BAIAP2L1: variants seen among roughly 807,000 people sequenced by gnomAD.
The protein encoded by BAIAP2L1 is BAR/IMD domain-containing adapter protein 2-like 1.
A neutral mutation model predicts 66.3 loss-of-function variants in BAIAP2L1; 35 were observed. The observed-to-expected ratio is 0.53, with a 90% CI of 0.40 to 0.70. The LOEUF is 0.70. Among genes scored for constraint, BAIAP2L1 ranks in the 30% least tolerant of loss-of-function variants. BAIAP2L1 has a pLI of 0.00. For synonymous variants in BAIAP2L1, 269 were observed against 248.7 expected, an observed-to-expected ratio of 1.08 and a Z score of -0.77; for missense variants, 622 against 656.9, an observed-to-expected ratio of 0.95 and a Z score of 0.58.
chr7:98,329,591 GTT>G (rs1801448213), intron 3 of BAIAP2L1, among the ~76,000 whole-genome samples: 1 of 152,046 alleles, frequency 6.6e-6, no homozygotes. Context: ...TTCCAGTTAT[GTT>G]CTCTGTACGG....
chr7:98,362,501 A>G (rs1802294738), intron 1 of BAIAP2L1, 69 bp from the exon 2 acceptor site: 2 of 1,369,876 alleles, frequency 1.5e-6, no homozygotes, highest in South Asian at 2.5e-5. Context: ...AGATTTTGTC[A>G]CTGTGTGGCC....
At chr7:98,394,151 G>A (rs977160344) in intron 1 of BAIAP2L1, among the ~76,000 whole-genome samples, 2 of 152,174 alleles carry the variant, frequency 1.3e-5, no homozygotes, top group Non-Finnish European at 2.9e-5. Flanking sequence ...GCTGAGACAG[G>A]AGAATGGCAT....
intron 3 of BAIAP2L1, among the ~76,000 whole-genome samples, chr7:98,349,138 T>C (rs1801942658): frequency 6.6e-6 from 1 of 152,174 alleles, no homozygotes; most frequent in African/African-American, 2.4e-5. Context: ...TGGTTGCCCA[T>C]GGAGGTTATC....
chr7:98,334,243 C>T (rs369268582), intron 3 of BAIAP2L1, among the ~76,000 whole-genome samples: 3 of 152,248 alleles, frequency 2.0e-5, no homozygotes, highest in East Asian at 1.9e-4. Flanking sequence ...GCCCTGCCTT[C>T]GAGTTTAAAT....
At chr7:98,336,351 C>T (rs1221585982) in intron 3 of BAIAP2L1, among the ~76,000 whole-genome samples, 4 of 152,162 alleles carry the variant, frequency 2.6e-5, no homozygotes, top group Admixed American at 1.3e-4. Flanking sequence ...TGGTGACTCA[C>T]GCCTGTAATC....
At chr7:98,337,120 C>T (rs1274991506) in intron 3 of BAIAP2L1, among the ~76,000 whole-genome samples, 1 of 152,190 alleles carries the variant, frequency 6.6e-6, no homozygotes, top group African/African-American at 2.4e-5. Context: ...TAAAACTCTT[C>T]ACGGGGTCAC....
At chr7:98,359,744 G>GTT (rs1562784013) in intron 2 of BAIAP2L1, among the ~76,000 whole-genome samples, 32 of 100,086 alleles carry the variant, frequency 3.2e-4, no homozygotes, top group African/African-American at 9.7e-4. Context: ...TGTAGACCTG[G>GTT]GTTTTTTTTT....
intron 1 of BAIAP2L1, among the ~76,000 whole-genome samples, chr7:98,390,380 T>C (rs995682002): frequency 6.6e-6 from 1 of 152,134 alleles, no homozygotes; most frequent in Non-Finnish European, 1.5e-5. Context: ...AAACGGAATA[T>C]ATATATTTAT....
At chr7:98,390,836 A>T (rs1803020492) in intron 1 of BAIAP2L1, among the ~76,000 whole-genome samples, 1 of 152,028 alleles carries the variant, frequency 6.6e-6, no homozygotes, top group Admixed American at 6.6e-5. Context: ...CATATGAATA[A>T]ACACAAGTTT....
chr7:98,333,805 A>G (rs1213628617), intron 3 of BAIAP2L1, among the ~76,000 whole-genome samples: 1 of 124,818 alleles, frequency 8.0e-6, no homozygotes, highest in Admixed American at 1.2e-4. Context: ...ACCCAATCCC[A>G]GTACTCCAGT....
At chr7:98,371,454 C>T (rs962685887) in intron 1 of BAIAP2L1, among the ~76,000 whole-genome samples, 34 of 152,196 alleles carry the variant, frequency 2.2e-4, no homozygotes, top group African/African-American at 8.0e-4. Flanking sequence ...ATTAGCTATT[C>T]TAAATAAAAT....
At chr7:98,333,348 A>C (rs1801544462) in intron 3 of BAIAP2L1, among the ~76,000 whole-genome samples, 2 of 151,984 alleles carry the variant, frequency 1.3e-5, no homozygotes, top group Non-Finnish European at 2.9e-5. Context: ...CTATAATCCC[A>C]GCACTTTGGG....
chr7:98,339,671 C>T (rs116237780), intron 3 of BAIAP2L1, among the ~76,000 whole-genome samples: 28 of 152,318 alleles, frequency 1.8e-4, no homozygotes, highest in Admixed American at 1.2e-3. Flanking sequence ...ACGGGAGCTA[C>T]GCCCTTTGCT....
At chr7:98,304,126 C>G (rs1800536420) in intron 12 of BAIAP2L1, 70 bp downstream of exon 12, 1 of 1,457,294 alleles carries the variant, frequency 6.9e-7, no homozygotes, top group African/African-American at 1.4e-5. Context: ...GCGGTCACCA[C>G]AGGACCTGCG....
intron 3 of BAIAP2L1, among the ~76,000 whole-genome samples, chr7:98,324,274 G>A (rs1013467662): frequency 3.9e-5 from 6 of 152,190 alleles, no homozygotes; most frequent in Admixed American, 3.3e-4. Flanking sequence ...AACATAACTC[G>A]AAGACATTTT....
chr7:98,364,407 C>G (rs575112546), intron 1 of BAIAP2L1, among the ~76,000 whole-genome samples: 9 of 152,018 alleles, frequency 5.9e-5, no homozygotes, highest in Admixed American at 3.9e-4. Flanking sequence ...TTTCCCTTGA[C>G]TTCCTCTAAG....
chr7:98,383,177 G>GAAAC, intron 1 of BAIAP2L1, among the ~76,000 whole-genome samples: 1 of 136,584 alleles, frequency 7.3e-6, no homozygotes, highest in African/African-American at 2.6e-5. Context: ...TATCAAAAAA[G>GAAAC]AAACAAACAA....
chr7:98,386,693 G>GTTTTTTTTTTTT (rs71112150), intron 1 of BAIAP2L1: 20 of 188,818 alleles, frequency 1.1e-4, no homozygotes, highest in Non-Finnish European at 1.5e-4. Context: ...CTTTCCAAAG[G>GTTTTTTTTTTTT]TTTTTTTTTT....
chr7:98,374,252 G>T (rs1459375198), intron 1 of BAIAP2L1, among the ~76,000 whole-genome samples: 1 of 151,980 alleles, frequency 6.6e-6, no homozygotes, highest in Non-Finnish European at 1.5e-5. Flanking sequence ...TCTGGCCCTA[G>T]AACATTTATG....
Sources: allele counts gnomAD v4.1 joint callset (sites outside exome capture counted in the v4.1 genomes callset), GRCh38; gene constraint gnomAD v4.1.1; transcripts MANE v1.5; gene names NCBI Gene and HGNC (gene_info 2026-07-23, HGNC 2026-07-21).